Variants in FOXN3 observed in about 807,000 individuals in gnomAD.
FOXN3 encodes the protein forkhead box protein N3.
A neutral mutation model predicts 38.4 loss-of-function variants in FOXN3; 7 were observed. That is an observed-to-expected ratio of 0.18 (90% CI 0.10 to 0.34). The LOEUF is 0.34. Among genes scored for constraint, FOXN3 ranks in the 10% least tolerant of loss-of-function variants. The probability of loss-of-function intolerance (pLI) is 1.00; values close to 1 mark genes in which losing one functional copy is unlikely to be tolerated. For synonymous variants in FOXN3, 230 were observed against 242.2 expected (o/e 0.95, Z 0.47); for missense variants, 456 against 613.4 (o/e 0.74, Z 2.71).
chr14:89,282,067 C>A (rs1886481574), intron 3 of FOXN3, among the ~76,000 whole-genome samples: 1 of 151,950 alleles, frequency 6.6e-6, no homozygotes, highest in African/African-American at 2.4e-5. Flanking sequence ...ATACTGTTAG[C>A]AAGCAGAAAT....
intron 4 of FOXN3, among the ~76,000 whole-genome samples, chr14:89,203,710 G>C (rs2139822074): frequency 6.6e-6 from 1 of 152,310 alleles, no homozygotes; most frequent in African/African-American, 2.4e-5. Flanking sequence ...GGAGGGCAAG[G>C]AAGAGTGGGC....
chr14:89,285,261 C>T (rs1033819406), intron 3 of FOXN3, among the ~76,000 whole-genome samples: 18 of 152,226 alleles, frequency 1.2e-4, no homozygotes, highest in African/African-American at 4.1e-4. Context: ...TGGCTCACGC[C>T]TGTAATCCCA....
At chr14:89,306,421 A>G (rs4994226) in intron 3 of FOXN3, among the ~76,000 whole-genome samples, 140,859 of 151,628 alleles carry the variant, frequency 0.93, 65,600 homozygotes, top group East Asian at 0.98. Context: ...AGGCTGGAGT[A>G]CAGTGGCACC....
At chr14:89,350,588 G>T in intron 3 of FOXN3, 84 bp downstream of exon 3, 2 of 1,171,236 alleles carry the variant, frequency 1.7e-6, no homozygotes, top group Non-Finnish European at 2.3e-6. Flanking sequence ...ATCTCGTACG[G>T]CCTATTAAAT....
At chr14:89,462,710 AGTCTCG>A (rs1892871575) in intron 1 of FOXN3, among the ~76,000 whole-genome samples, 1 of 143,634 alleles carries the variant, frequency 7.0e-6, no homozygotes. Context: ...TTTGAGATGG[AGTCTCG>A]CTCTGTCGCC....
At chr14:89,504,060 A>G (rs1893857801) in intron 1 of FOXN3, among the ~76,000 whole-genome samples, 1 of 152,214 alleles carries the variant, frequency 6.6e-6, no homozygotes, top group African/African-American at 2.4e-5. Context: ...CTAGGAAGGA[A>G]GGTGCCCCCA....
At chr14:89,259,587 C>A (rs1885734248) in intron 4 of FOXN3, among the ~76,000 whole-genome samples, 1 of 152,066 alleles carries the variant, frequency 6.6e-6, no homozygotes, top group African/African-American at 2.4e-5. Flanking sequence ...AAAATAAAAC[C>A]TCTAGGTATA....
chr14:89,497,005 A>G (rs1893698850), intron 1 of FOXN3, among the ~76,000 whole-genome samples: 1 of 152,126 alleles, frequency 6.6e-6, no homozygotes, highest in Non-Finnish European at 1.5e-5. Context: ...CCCAGGCTGG[A>G]GTGCAATGAC....
chr14:89,242,753 T>A lies in FOXN3; in HGVS notation c.745+38197A>T, dbSNP rs376524691. On this transcript the variant is annotated intron_variant, in intron 4 of 5. Transcript: ENST00000557258. ...CAATGCAAGGGGAGCAAGAAGTGTATCCAATCTAAATACTGCATGTATTAT... is the reference window on the plus strand; with the variant it reads ...CAATGCAAGGGGAGCAAGAAGTGTAACCAATCTAAATACTGCATGTATTAT... 1.5e-4 allele frequency among the ~76,000 whole-genome samples: 23 copies of A among 152,236 alleles called. No homozygotes were observed. In the East Asian group the frequency reaches 2.7e-3, roughly 18 times the overall value.
At chr14:89,505,228 A>G (rs1742776435) in intron 1 of FOXN3, among the ~76,000 whole-genome samples, 3 of 151,862 alleles carry the variant, frequency 2.0e-5, no homozygotes, top group Admixed American at 2.0e-4. Context: ...AACGCTACAC[A>G]GCTAATGAAA....
At chr14:89,518,415 G>A (rs909893756) in intron 1 of FOXN3, among the ~76,000 whole-genome samples, 33 of 152,192 alleles carry the variant, frequency 2.2e-4, no homozygotes, top group African/African-American at 7.5e-4. Flanking sequence ...ACTGATTGGA[G>A]GAGGGGCACA....
intron 1 of FOXN3, among the ~76,000 whole-genome samples, chr14:89,441,967 C>G (rs1017796741): frequency 3.4e-5 from 5 of 146,142 alleles, no homozygotes; most frequent in African/African-American, 1.3e-4. Context: ...CCTCTTGTTG[C>G]CCGGGCTGGA....
chr14:89,395,650 G>A (rs115756731), intron 2 of FOXN3, among the ~76,000 whole-genome samples: 225 of 152,222 alleles, frequency 1.5e-3, no homozygotes, highest in African/African-American at 5.2e-3. Flanking sequence ...GCATAAGCCT[G>A]TTTACAAGCA....
At chr14:89,534,058 C>A (rs569544735) in intron 1 of FOXN3, among the ~76,000 whole-genome samples, 1 of 151,778 alleles carries the variant, frequency 6.6e-6, no homozygotes, top group Admixed American at 6.6e-5. Flanking sequence ...GCTTCCCCCC[C>A]GCCACCCACT....
intron 3 of FOXN3, among the ~76,000 whole-genome samples, chr14:89,331,665 G>T (rs1259189203): frequency 1.3e-5 from 2 of 152,192 alleles, no homozygotes; most frequent in Non-Finnish European, 1.5e-5. Flanking sequence ...CTTCTCCAGC[G>T]TATTTTTGGC....
At chr14:89,576,273 C>T (rs1300433830) in intron 1 of FOXN3, 1 of 152,180 alleles carries the variant, frequency 6.6e-6, no homozygotes, top group African/African-American at 2.4e-5. Flanking sequence ...CCTTTCACTG[C>T]CAAACTAAAT....
intron 1 of FOXN3, among the ~76,000 whole-genome samples, chr14:89,448,410 C>G (rs751118139): frequency 6.6e-6 from 1 of 152,034 alleles, no homozygotes; most frequent in Non-Finnish European, 1.5e-5. Context: ...AGGACCATGT[C>G]AGCAAGGAAG....
At chr14:89,332,235 A>G (rs1237596607) in intron 3 of FOXN3, among the ~76,000 whole-genome samples, 2 of 152,218 alleles carry the variant, frequency 1.3e-5, no homozygotes, top group Non-Finnish European at 2.9e-5. Context: ...CACCCTGCAC[A>G]GTTAACTATG....
At position 89,369,546 on chromosome 14, in the gene FOXN3, ATTT is replaced by A. The variant is rs35049896; in HGVS notation, c.544-18741_544-18739del. Among the ~76,000 whole-genome samples, 324 of 150,186 alleles carry A rather than the reference ATTT, an allele frequency of 2.2e-3. 2 individuals carry two copies. Among genetic ancestry groups the A allele is most frequent in the Admixed American group, 4.2e-3 (64 of 15,100 alleles). On this transcript the variant is annotated intron_variant, in intron 2 of 5. Transcript: ENST00000557258. ...ACAAGGACATACCCAAGACTGGGTA[ATTT>A]TTTTTTTTTTTAAAAAAGAGGTTTA...
Sources: allele counts gnomAD v4.1 joint callset (sites outside exome capture counted in the v4.1 genomes callset), GRCh38; gene constraint gnomAD v4.1.1; transcripts MANE v1.5; gene names NCBI Gene and HGNC (gene_info 2026-07-23, HGNC 2026-07-21).